Variants in OTUD3 observed in about 807,000 individuals in gnomAD.
OTUD3 encodes the protein OTU deubiquitinase 3.
A neutral mutation model predicts 46.2 loss-of-function variants in OTUD3; 24 were observed. That is an observed-to-expected ratio of 0.52 (90% confidence interval 0.38 to 0.73). The LOEUF (loss-of-function observed/expected upper bound fraction) is 0.73. Ranked by LOEUF, OTUD3 falls within the 30% of genes least tolerant of loss-of-function variation. The probability of loss-of-function intolerance (pLI) is 0.00; values close to 1 mark genes in which losing one functional copy is unlikely to be tolerated. For missense variants in OTUD3, 455 were observed against 523.3 expected (o/e 0.87, Z 1.27); for synonymous variants, 189 against 195.4 (o/e 0.97, Z 0.27).
At chr1:19,889,583 CTG>C (rs1241110735) in intron 1 of OTUD3, among the ~76,000 whole-genome samples, 4 of 152,140 alleles carry the variant, frequency 2.6e-5, no homozygotes, top group East Asian at 1.9e-4. Flanking sequence ...GTTTGAGTCT[CTG>C]TGTATCTAAG....
At chr1:19,907,443 G>A (rs570359729) in intron 7 of OTUD3, 127 bp from the exon 8 acceptor site, 59 of 748,902 alleles carry the variant, frequency 7.9e-5, no homozygotes, top group Non-Finnish European at 1.0e-4. Context: ...CATCTTTGGC[G>A]TCTTAGATTG....
chr1:19,901,051 A>G (rs960757920), intron 4 of OTUD3, among the ~76,000 whole-genome samples: 1 of 151,426 alleles, frequency 6.6e-6, no homozygotes, highest in Admixed American at 6.6e-5. Context: ...CTGGGATTAC[A>G]GGCGCTCGCC....
In OTUD3 at chr1:19,894,511, G is replaced by A. The variant is rs752561077; in HGVS notation, c.483+31G>A. The A allele has an allele frequency of 2.3e-6, 3 of 1,295,678 alleles. No homozygotes were observed. In the South Asian group the frequency reaches 3.8e-5, roughly 16 times the overall value. 80.3% of individuals were successfully genotyped at this position (1,295,678 alleles called of 1,614,324 possible). A position where few individuals can be genotyped will look rare whatever the true frequency, so the allele number is the denominator to read the frequency against. ...TCACCTATTTAAACATTTATCTTAA[G>A]CTCTTATTTCTAAGTCAGCTTTGGG... is the stretch of plus-strand genomic sequence containing the variant. On this transcript the variant is annotated intron_variant, in intron 3 of 7. Transcript: ENST00000375120.
chr1:19,901,464 CAA>C (rs1232563680), intron 4 of OTUD3, among the ~76,000 whole-genome samples: 2 of 152,144 alleles, frequency 1.3e-5, no homozygotes, highest in Non-Finnish European at 2.9e-5. Context: ...CTGTTAATAA[CAA>C]GATGTTAATT....
At chr1:19,887,202 G>T (rs1339008614) in intron 1 of OTUD3, among the ~76,000 whole-genome samples, 1 of 151,120 alleles carries the variant, frequency 6.6e-6, no homozygotes, top group African/African-American at 2.4e-5. Context: ...CTCCTGCCTC[G>T]GCCTCCTGTG....
chr1:19,895,949 G>GT (rs1441339260), intron 3 of OTUD3, among the ~76,000 whole-genome samples: 2 of 151,980 alleles, frequency 1.3e-5, no homozygotes, highest in African/African-American at 4.8e-5. Context: ...AGTTACCTAG[G>GT]TAGTTGTGGA....
At position 19,907,804 on chromosome 1, in the gene OTUD3, A is replaced by AC; in HGVS notation, c.*59dup. 2.0e-6 allele frequency: 3 copies of AC among 1,527,570 alleles called. No individual in the cohort carries two copies. The highest frequency in any genetic ancestry group is 1.8e-6 in the Non-Finnish European group (2 of 1,113,678). The allele number at this position is 1,527,570 out of a possible 1,614,324, so 94.6% of individuals were successfully genotyped here. A position where few individuals can be genotyped will look rare whatever the true frequency, so the allele number is the denominator to read the frequency against. The stretch of plus-strand genomic sequence containing the variant: ...CTGGAAAAGGATTGCTGTGTGCTAG[A>AC]CTTTCCAGTGAGGCCGTCCTTTTAT... On this transcript the variant is annotated 3_prime_UTR_variant, in exon 8 of 8. Transcript: ENST00000375120.
At chr1:19,884,229 T>G (rs1164316259) in intron 1 of OTUD3, among the ~76,000 whole-genome samples, 1 of 152,110 alleles carries the variant, frequency 6.6e-6, no homozygotes, top group Non-Finnish European at 1.5e-5. Context: ...CTATACTGGG[T>G]ATGGTATTCT....
intron 5 of OTUD3, 123 bp downstream of exon 5, chr1:19,904,521 A>G (rs1000985739): frequency 8.4e-6 from 7 of 837,644 alleles, no homozygotes; most frequent in Non-Finnish European, 1.1e-5. Flanking sequence ...GGCCCATGAG[A>G]TTTGTAGTTT....
chr1:19,882,540 C>T lies in OTUD3; in HGVS notation c.27C>T (p.Ser9=). 7.4e-7 allele frequency: 1 copy of T among 1,345,034 alleles called. No individual in the cohort carries two copies. Among genetic ancestry groups the T allele is most frequent in the South Asian group, 2.0e-5 (1 of 50,424 alleles). 83.3% of individuals were successfully genotyped at this position (1,345,034 alleles called of 1,614,324 possible). ...TGTCCCGAAAGCAGGCGGCGAAGAG[C>T]CGGCCGGGCAGCGGCAGCCGGAAAG... is the stretch of plus-strand genomic sequence containing the variant. MSRKQAAK[S]RPGSGSRKAE... The change falls in exon 1 of 8, where the codon AGC becomes AGT. Residue 9 remains serine (S), a synonymous_variant. Coordinates refer to ENST00000375120, the MANE Select transcript of OTUD3 (RefSeq NM_015207.2).
Position 19,902,485 on chromosome 1 carries a change from A to G in OTUD3, c.607-1782A>G, listed in dbSNP as rs551410478. ...CTCCCAAAGTGCTGGGATTACAGGCATGAGCCACCACGCCCGGCCAGTATC... is the reference window on the plus strand; with the variant it reads ...CTCCCAAAGTGCTGGGATTACAGGCGTGAGCCACCACGCCCGGCCAGTATC... On this transcript the variant is annotated intron_variant, in intron 4 of 7. Transcript: ENST00000375120. Among the ~76,000 whole-genome samples the G allele has an allele frequency of 2.6e-5, 4 of 152,290 alleles. No individual in the cohort carries two copies. In the South Asian group the frequency reaches 8.3e-4, roughly 32 times the overall value.
chr1:19,883,719 G>A (rs953819421), intron 1 of OTUD3, among the ~76,000 whole-genome samples: 1 of 152,112 alleles, frequency 6.6e-6, no homozygotes, highest in African/African-American at 2.4e-5. Flanking sequence ...GGCTTCAAGC[G>A]ATCCTCCTGC....
At position 19,906,539 on chromosome 1, in the gene OTUD3, G is replaced by T. The variant is rs763007582; in HGVS notation, c.943G>T (p.Glu315Ter). Residue 315 changes from glutamate to a stop codon, truncating the protein, a stop_gained, in exon 7 of 8, where the codon GAA (glutamate) becomes TAA (stop). Transcript: ENST00000375120. LOFTEE classifies it high-confidence loss of function. ...AATCTTTGGAAATCAGGGCTTAAAT[G>T]AAGGCAGGACCGAAAACAATAAGGC... ...ARIFGNQGLNEGRTENNKAQA... is the reference protein window; with the variant it reads ...ARIFGNQGLN The T allele has an allele frequency of 1.2e-6, 2 of 1,613,918 alleles. No individual in the cohort carries two copies. The highest frequency in any genetic ancestry group is 1.3e-5 in the African/African-American group (1 of 75,018).
At chr1:19,899,339 A>C (rs2045557861) in intron 4 of OTUD3, among the ~76,000 whole-genome samples, 1 of 152,102 alleles carries the variant, frequency 6.6e-6, no homozygotes, top group African/African-American at 2.4e-5. Flanking sequence ...TCTCCCCACC[A>C]CTAGTTGTAG....
At chr1:19,884,572 A>G (rs566331316) in intron 1 of OTUD3, among the ~76,000 whole-genome samples, 1 of 152,338 alleles carries the variant, frequency 6.6e-6, no homozygotes, top group East Asian at 1.9e-4. Flanking sequence ...AGAAACCGAA[A>G]GAACTTTATA....
intron 4 of OTUD3, among the ~76,000 whole-genome samples, chr1:19,901,926 T>C (rs2100304478): frequency 6.6e-6 from 1 of 152,384 alleles, no homozygotes. Flanking sequence ...TTAATGAGCA[T>C]TTAGGTTGTT....
intron 6 of OTUD3, among the ~76,000 whole-genome samples, chr1:19,905,605 G>T (rs182903505): frequency 2.6e-5 from 4 of 152,194 alleles, no homozygotes; most frequent in Non-Finnish European, 5.9e-5. Flanking sequence ...GCTGGGTGTG[G>T]TGGCGGGTGC....
chr1:19,909,288 T>C lies in OTUD3; in HGVS notation c.*1542T>C, dbSNP rs1031465235. On this transcript the variant is annotated 3_prime_UTR_variant, in exon 8 of 8. Coordinates refer to ENST00000375120, the MANE Select transcript of OTUD3 (RefSeq NM_015207.2). ...TATCTTTTGGTTTTGTTTTTGACTT[T>C]GGTGGCTTTTTGTAGTTGGAGCATC... The C allele has an allele frequency of 6.6e-6, 1 of 152,422 alleles. No individual in the cohort carries two copies. Among genetic ancestry groups the C allele is most frequent in the Non-Finnish European group, 1.5e-5 (1 of 68,082 alleles). 9.4% of individuals were successfully genotyped at this position (152,422 alleles called of 1,614,324 possible). A position where few individuals can be genotyped will look rare whatever the true frequency, so the allele number is the denominator to read the frequency against.
intron 2 of OTUD3, among the ~76,000 whole-genome samples, chr1:19,892,917 G>A (rs1391831492): frequency 6.6e-6 from 1 of 151,922 alleles, no homozygotes; most frequent in African/African-American, 2.4e-5. Context: ...TCATTTCTCT[G>A]TCCTCATCTC....
Sources: gnomAD v4.1 joint callset for allele counts (sites outside exome capture counted in the v4.1 genomes callset) on GRCh38, gnomAD v4.1.1 for gene constraint, MANE v1.5 for transcripts, NCBI Gene and HGNC (gene_info 2026-07-23, HGNC 2026-07-21) for gene names.